Variants in EPHA6 observed in about 807,000 individuals in gnomAD.
EPHA6 encodes ephrin type-A receptor 6.
A neutral mutation model predicts 112.0 loss-of-function variants in EPHA6; 50 were observed. The ratio of observed to expected loss-of-function variants is 0.45; its 90% CI spans 0.36 to 0.56. The LOEUF (loss-of-function observed/expected upper bound fraction) is 0.56, where lower values mean the gene tolerates loss of function less well. EPHA6 is among the 20% of genes least tolerant of loss of function. EPHA6 has a pLI of 0.00. For synonymous variants in EPHA6, 529 were observed against 490.7 expected, an observed-to-expected ratio of 1.08 and a Z score of -1.03; for missense variants, 1,280 against 1,417.4, an observed-to-expected ratio of 0.90 and a Z score of 1.56.
intron 14 of EPHA6, among the ~76,000 whole-genome samples, chr3:97,677,986 C>T (rs1365306772): frequency 6.6e-6 from 1 of 151,994 alleles, no homozygotes; most frequent in Non-Finnish European, 1.5e-5. Context: ...GAAGGCAAAA[C>T]CCAAAATACC....
Position 96,814,615 on chromosome 3 carries a change from C to G in EPHA6, c.-9C>G, listed in dbSNP as rs1477359895. 4 of 1,434,016 alleles carry G rather than the reference C, an allele frequency of 2.8e-6. No homozygotes were observed. The African/African-American group carries it at 5.7e-5, about 21-fold the overall frequency. The allele number at this position is 1,434,016 out of a possible 1,614,324, so 88.8% of individuals were successfully genotyped here. ...GAATAGTCCTCGCGCAAGCGGGACA[C>G]TGTGGTGGATGCAATTCCCCTCGCC... On this transcript the variant is annotated 5_prime_UTR_variant, in exon 1 of 18. Transcript: ENST00000389672.
chr3:97,414,625 A>T (rs959349765), intron 6 of EPHA6, among the ~76,000 whole-genome samples: 2 of 152,030 alleles, frequency 1.3e-5, no homozygotes, highest in African/African-American at 4.8e-5. Flanking sequence ...TAGATTCTCA[A>T]ATGAAAGGGA....
In EPHA6 at chr3:97,596,857, T is replaced by C. The variant is rs1216110200; in HGVS notation, c.2512+4120T>C. Among the ~76,000 whole-genome samples the C allele has an allele frequency of 6.9e-5, 7 of 101,482 alleles. No individual in the cohort carries two copies. The Admixed American group carries it at 7.5e-4, about 11-fold the overall frequency. The allele number at this position is 101,482 out of a possible 152,430, so 66.6% of individuals were successfully genotyped here. A position where few individuals can be genotyped will look rare whatever the true frequency, so the allele number is the denominator to read the frequency against. On this transcript the variant is annotated intron_variant, in intron 12 of 17. Transcript: ENST00000389672. ...ACATTTGAGTTTGGTCTAGCAACAA[T>C]TCCATATATATCTATGGAATATATA...
At chr3:96,969,408 T>G (rs2107778051) in intron 2 of EPHA6, among the ~76,000 whole-genome samples, 1 of 152,018 alleles carries the variant, frequency 6.6e-6, no homozygotes, top group Non-Finnish European at 1.5e-5. Flanking sequence ...TCATGTAGGA[T>G]TCTGATGTCA....
intron 6 of EPHA6, chr3:97,441,487 A>G: frequency 1.1e-6 from 1 of 917,846 alleles, no homozygotes; most frequent in Non-Finnish European, 1.3e-6. Flanking sequence ...GTCAGACATA[A>G]TTATATTTAA....
intron 2 of EPHA6, among the ~76,000 whole-genome samples, chr3:96,891,664 G>T (rs1052138255): frequency 6.6e-6 from 1 of 152,062 alleles, no homozygotes; most frequent in Non-Finnish European, 1.5e-5. Flanking sequence ...AGCCAAGATC[G>T]CACCACTGCA....
intron 3 of EPHA6, among the ~76,000 whole-genome samples, chr3:97,071,973 GGTTTTGCCTTCCTGA>G (rs2046373699): frequency 6.6e-6 from 1 of 151,868 alleles, no homozygotes; most frequent in Non-Finnish European, 1.5e-5. Flanking sequence ...TATGGTGTTT[GGTTTTGCCTTCCTGA>G]GTTACTTCAC....
At chr3:97,694,482 C>T (rs2032896563) in intron 14 of EPHA6, among the ~76,000 whole-genome samples, 1 of 152,194 alleles carries the variant, frequency 6.6e-6, no homozygotes, top group African/African-American at 2.4e-5. Flanking sequence ...GGTGATCCAC[C>T]CGCCTTGGCC....
At chr3:97,537,254 G>A (rs900141034) in intron 11 of EPHA6, among the ~76,000 whole-genome samples, 3 of 152,128 alleles carry the variant, frequency 2.0e-5, no homozygotes, top group Non-Finnish European at 4.4e-5. Context: ...ATATACATTA[G>A]ATTTTTTTTA....
intron 11 of EPHA6, among the ~76,000 whole-genome samples, chr3:97,583,363 C>A (rs1240306828): frequency 6.6e-6 from 1 of 151,794 alleles, no homozygotes; most frequent in African/African-American, 2.4e-5. Flanking sequence ...CACGGTGAAA[C>A]CCCGTCTCTA....
At chr3:96,896,310 G>A (rs2038267420) in intron 2 of EPHA6, among the ~76,000 whole-genome samples, 1 of 152,068 alleles carries the variant, frequency 6.6e-6, no homozygotes, top group Admixed American at 6.6e-5. Context: ...TCTGATGTTG[G>A]TTTTATCTGC....
At chr3:97,522,561 G>C (rs1181343511) in intron 10 of EPHA6, among the ~76,000 whole-genome samples, 1 of 152,050 alleles carries the variant, frequency 6.6e-6, no homozygotes, top group Non-Finnish European at 1.5e-5. Flanking sequence ...TGCTGGCCTT[G>C]TAAAATGAGT....
intron 7 of EPHA6, among the ~76,000 whole-genome samples, chr3:97,465,942 T>A (rs1321449810): frequency 6.6e-6 from 1 of 152,026 alleles, no homozygotes; most frequent in Non-Finnish European, 1.5e-5. Context: ...TTGCTAAACT[T>A]GCCAGAAATG....
At chr3:96,887,228 G>A (rs2037681063) in intron 2 of EPHA6, among the ~76,000 whole-genome samples, 1 of 152,166 alleles carries the variant, frequency 6.6e-6, no homozygotes, top group Non-Finnish European at 1.5e-5. Context: ...CTCTGTCAGA[G>A]GGAGGTTCTA....
rs750610968 is a variant in EPHA6, at chr3:97,747,606, T to A, written c.3278+34T>A. On this transcript the variant is annotated intron_variant, in intron 17 of 17. Coordinates refer to ENST00000389672, the MANE Select transcript of EPHA6 (RefSeq NM_001080448.3). ...TACTAGGTTTATTACTGTAACGAGA[T>A]GTCCTGCTGGGGATTATAAGTTCAA... is the stretch of plus-strand genomic sequence containing the variant. The A allele has an allele frequency of 8.5e-5, 131 of 1,539,844 alleles. No homozygotes were observed. The East Asian group carries it at 3.2e-3, about 37-fold the overall frequency.
chr3:97,388,647 G>A (rs2086214384), intron 5 of EPHA6, among the ~76,000 whole-genome samples: 1 of 152,140 alleles, frequency 6.6e-6, no homozygotes, highest in Admixed American at 6.6e-5. Context: ...GGTAATGGGA[G>A]GCAATCTTCC....
At chr3:97,053,366 A>G (rs967016948) in intron 3 of EPHA6, among the ~76,000 whole-genome samples, 5 of 152,202 alleles carry the variant, frequency 3.3e-5, no homozygotes, top group African/African-American at 1.2e-4. Context: ...GTACATGGGA[A>G]CATGTGCTGG....
At chr3:96,845,995 T>C (rs1232820138) in intron 1 of EPHA6, among the ~76,000 whole-genome samples, 1 of 152,074 alleles carries the variant, frequency 6.6e-6, no homozygotes, top group Non-Finnish European at 1.5e-5. Flanking sequence ...GATTTATGAA[T>C]ACTTGAAGAA....
At chr3:97,526,107 A>C (rs1472939703) in intron 10 of EPHA6, among the ~76,000 whole-genome samples, 4 of 152,170 alleles carry the variant, frequency 2.6e-5, no homozygotes, top group African/African-American at 9.7e-5. Flanking sequence ...TGGATGAGCA[A>C]GCCTGCTTTC....
Sources: allele counts gnomAD v4.1 joint callset (sites outside exome capture counted in the v4.1 genomes callset), GRCh38; gene constraint gnomAD v4.1.1; transcripts MANE v1.5; gene names NCBI Gene and HGNC (gene_info 2026-07-23, HGNC 2026-07-21).